RALY: variants seen among roughly 807,000 people sequenced by gnomAD.
RALY encodes the protein RALY heterogeneous nuclear ribonucleoprotein, also known as RNA-binding protein Raly.
RALY carries 15 observed loss-of-function variants against 30.7 expected under a neutral mutation model. The ratio of observed to expected loss-of-function variants is 0.49; its 90% CI spans 0.33 to 0.75. The LOEUF (loss-of-function observed/expected upper bound fraction) is 0.75, where lower values mean the gene tolerates loss of function less well. RALY is among the 30% of genes least tolerant of loss of function. The pLI is 0.02. For synonymous variants in RALY, 177 were observed against 170.8 expected (o/e 1.04, Z -0.28); for missense variants, 339 against 414.3 (o/e 0.82, Z 1.58).
At chr20:34,005,522 T>C (rs1419550723) in intron 1 of RALY, among the ~76,000 whole-genome samples, 6 of 151,386 alleles carry the variant, frequency 4.0e-5, no homozygotes, top group African/African-American at 1.5e-4. Flanking sequence ...AAAAAAAAAA[T>C]CTGACCTGGG....
At chr20:34,074,261 A>G (rs1329889521) in intron 5 of RALY, among the ~76,000 whole-genome samples, 2 of 152,068 alleles carry the variant, frequency 1.3e-5, no homozygotes, top group Non-Finnish European at 2.9e-5. Context: ...AGCTCAGTCT[A>G]AGCTTCTTGG....
chr20:34,075,220 A>T (rs538083377), intron 5 of RALY, among the ~76,000 whole-genome samples: 120 of 152,244 alleles, frequency 7.9e-4, no homozygotes, highest in African/African-American at 2.8e-3. Context: ...GTGGTGATTA[A>T]GGAGGTCAAG....
intron 2 of RALY, among the ~76,000 whole-genome samples, chr20:34,052,950 G>A (rs1029675105): frequency 1.3e-5 from 2 of 152,228 alleles, no homozygotes; most frequent in Non-Finnish European, 2.9e-5. Context: ...TATCCAGACA[G>A]TGGCAGAGGA....
chr20:33,996,208 GAGTA>G (rs1006021257), intron 1 of RALY, among the ~76,000 whole-genome samples: 9 of 152,328 alleles, frequency 5.9e-5, no homozygotes, highest in South Asian at 2.1e-4. Flanking sequence ...ATGACAGAAT[GAGTA>G]AGTAGTGAGG....
chr20:34,053,383 A>ATT (rs60912814), intron 2 of RALY, among the ~76,000 whole-genome samples: 2,093 of 54,122 alleles, frequency 0.039, 403 homozygotes, highest in African/African-American at 0.072. Context: ...ATGTTCAATA[A>ATT]TTTTTTTTTT....
intron 2 of RALY, among the ~76,000 whole-genome samples, chr20:34,060,073 C>T (rs1370732364): frequency 6.6e-6 from 1 of 152,190 alleles, no homozygotes; most frequent in African/African-American, 2.4e-5. Flanking sequence ...GTTCAAGGCA[C>T]ATTTCCAAAT....
intron 1 of RALY, among the ~76,000 whole-genome samples, chr20:34,013,765 A>G (rs2031502481): frequency 6.6e-6 from 1 of 152,226 alleles, no homozygotes; most frequent in South Asian, 2.1e-4. Context: ...TCGAGACAGT[A>G]TAGGCCAGGG....
Position 34,077,077 on chromosome 20 carries a change from TGGTGGCAGCGGTGGC to T in RALY, c.717_731del (p.Ser244_Gly248del). On this transcript the variant is annotated inframe_deletion, in exon 8 of 10. Transcript: ENST00000246194. Reference sequence around the variant, plus strand: ...GTGGCGCCGGCGGCGGCGGCGGTGGTGGTGGCAGCGGTGGCGGTGGCAGTGGTGGTGGCGGTGGCG... The same window carrying T: ...GTGGCGCCGGCGGCGGCGGCGGTGGTGGTGGCAGTGGTGGTGGCGGTGGCG... 6.2e-7 allele frequency: 1 copy of T among 1,604,844 alleles called. No homozygotes were observed. Among genetic ancestry groups the T allele is most frequent in the Non-Finnish European group, 8.5e-7 (1 of 1,175,802 alleles).
At chr20:34,077,372 G>A (rs2033922830) in intron 8 of RALY, 127 bp downstream of exon 8, 14 of 1,536,740 alleles carry the variant, frequency 9.1e-6, no homozygotes, top group Non-Finnish European at 1.2e-5. Context: ...CTTCCCAGGG[G>A]TTCTGGTCCT....
intron 1 of RALY, among the ~76,000 whole-genome samples, chr20:34,027,814 T>G (rs1237582983): frequency 2.6e-5 from 4 of 152,242 alleles, no homozygotes; most frequent in Non-Finnish European, 5.9e-5. Flanking sequence ...GCTGGGACTC[T>G]CCCATCCTAA....
At chr20:34,027,201 G>A (rs1257471545) in intron 1 of RALY, among the ~76,000 whole-genome samples, 2 of 152,180 alleles carry the variant, frequency 1.3e-5, no homozygotes, top group Non-Finnish European at 2.9e-5. Context: ...TGTGTAATAA[G>A]TAAGGCAGAT....
chr20:34,039,804 T>G (rs370558403), intron 2 of RALY, among the ~76,000 whole-genome samples: 1 of 152,100 alleles, frequency 6.6e-6, no homozygotes, highest in African/African-American at 2.4e-5. Flanking sequence ...CTGAACCATA[T>G]CACCATCATT....
At chr20:34,065,397 G>A (rs143663071) in intron 2 of RALY, among the ~76,000 whole-genome samples, 106 of 152,024 alleles carry the variant, frequency 7.0e-4, no homozygotes, top group African/African-American at 2.5e-3. Flanking sequence ...GCAGAGCCAA[G>A]GCCAAGCCTT....
chr20:34,080,332 G>A lies in RALY; in HGVS notation c.*427G>A, dbSNP rs1014673817. ...CGGCCCCTCTGCCAACCAAAAAGCT[G>A]GTCTAGGGTGCCTAATACTGATCCA... On this transcript the variant is annotated 3_prime_UTR_variant, in exon 10 of 10. Transcript: ENST00000246194. 6.6e-6 allele frequency: 1 copy of A among 152,244 alleles called. No homozygotes were observed. The highest frequency in any genetic ancestry group is 1.5e-5 in the Non-Finnish European group (1 of 68,086). 9.4% of individuals were successfully genotyped at this position (152,244 alleles called of 1,614,324 possible). A position where few individuals can be genotyped will look rare whatever the true frequency, so the allele number is the denominator to read the frequency against.
At chr20:34,060,313 G>A (rs1024994521) in intron 2 of RALY, among the ~76,000 whole-genome samples, 3 of 152,202 alleles carry the variant, frequency 2.0e-5, no homozygotes, top group African/African-American at 7.2e-5. Context: ...AACTTTCTGA[G>A]TGCCAACATC....
chr20:34,073,632 A>G lies in RALY; in HGVS notation c.326A>G (p.Tyr109Cys). ...KGLKRAASAI[Y>C]SGYIFDYDYY... ...CTAAAGAGAGCAGCATCTGCCATATACAGGTGGGGCTGTCTGACTGTCTGT... is the reference window on the plus strand; with the variant it reads ...CTAAAGAGAGCAGCATCTGCCATATGCAGGTGGGGCTGTCTGACTGTCTGT... The change falls in exon 4 of 10, where the codon TAC becomes TGC. Residue 109 changes from tyrosine to cysteine, a missense_variant. Physicochemically the swap from Tyr to Cys is radical, Grantham distance 194. Around this residue, in one of 2 missense-constraint regions of RALY, gnomAD observed 268 missense variants for 280.6 expected, o/e 0.95. Transcript: ENST00000246194. 2 of 1,593,614 alleles carry G rather than the reference A, an allele frequency of 1.3e-6. No individual in the cohort carries two copies. The highest frequency in any genetic ancestry group is 1.7e-6 in the Non-Finnish European group (2 of 1,161,300).
At chr20:34,030,939 A>G (rs903438340) in intron 1 of RALY, among the ~76,000 whole-genome samples, 1 of 151,810 alleles carries the variant, frequency 6.6e-6, no homozygotes, top group Non-Finnish European at 1.5e-5. Flanking sequence ...CTCCCTGACC[A>G]TTTTATCTAA....
chr20:34,013,026 A>C (rs1036892849), intron 1 of RALY, among the ~76,000 whole-genome samples: 3 of 152,226 alleles, frequency 2.0e-5, no homozygotes, highest in African/African-American at 7.2e-5. Context: ...TTTCACTTTC[A>C]GTAAAGTATT....
At chr20:34,035,147 C>A (rs2032433473) in intron 2 of RALY, among the ~76,000 whole-genome samples, 1 of 81,862 alleles carries the variant, frequency 1.2e-5, no homozygotes, top group African/African-American at 4.8e-5. Context: ...AGCGAGACTC[C>A]ATCTCAAAAA....
Sources: gnomAD v4.1 joint callset for allele counts (sites outside exome capture counted in the v4.1 genomes callset) on GRCh38, gnomAD v4.1.1 for gene constraint, gnomAD v4.1.1 regional missense constraint, MANE v1.5 for transcripts, NCBI Gene and HGNC (gene_info 2026-07-23, HGNC 2026-07-21) for gene names.